Variants in KDR observed in about 807,000 individuals in gnomAD.
KDR encodes kinase insert domain receptor.
A neutral mutation model predicts 160.9 loss-of-function variants in KDR; 43 were observed. The ratio of observed to expected loss-of-function variants is 0.27; its 90% CI spans 0.21 to 0.34. The LOEUF is 0.34. KDR is among the 10% of genes least tolerant of loss of function. KDR has a pLI of 1.00. For synonymous variants in KDR, 617 were observed against 600.1 expected, an observed-to-expected ratio of 1.03 and a Z score of -0.41; for missense variants, 1,469 against 1,666.4, an observed-to-expected ratio of 0.88 and a Z score of 2.06.
chr4:55,105,221 T>C lies in KDR; in HGVS notation c.1646-237A>G, dbSNP rs111644565. ...CCTCAGATATTTACCACATCTCCAC[T>C]ATGAGCTCTACGCAATGTTTAATAT... On this transcript the variant is annotated intron_variant, in intron 12 of 29. Coordinates refer to ENST00000263923, the MANE Select transcript of KDR (RefSeq NM_002253.4). Among the ~76,000 whole-genome samples the C allele has an allele frequency of 7.1e-3, 1,040 of 146,646 alleles. 16 individuals are homozygous for C. The highest frequency in any genetic ancestry group is 0.024 in the African/African-American group (997 of 40,730).
In KDR at chr4:55,097,699, T is replaced by G; in HGVS notation, c.2577A>C (p.Thr859=). 6.2e-7 allele frequency: 1 copy of G among 1,613,540 alleles called. No individual in the cohort carries two copies. The highest frequency in any genetic ancestry group is 8.5e-7 in the Non-Finnish European group (1 of 1,179,686). Residue 859 remains threonine (T), a synonymous_variant, in exon 18 of 30, where the codon ACA becomes ACC. Transcript: ENST00000263923. Reference sequence around the variant, plus strand: ...TGACTGCTACTGTCCTGCAAGTTGCTGTCTTGTCAATTCCAAAGGCATCTG... The same window carrying G: ...TGACTGCTACTGTCCTGCAAGTTGCGGTCTTGTCAATTCCAAAGGCATCTG... ...IEADAFGIDK[T]ATCRTVAVKM...
intron 18 of KDR, 163 bp from the exon 19 acceptor site, chr4:55,096,505 T>C (rs1397471602): frequency 1.0e-5 from 6 of 599,954 alleles, no homozygotes; most frequent in Non-Finnish European, 1.5e-5. Context: ...GAAGTGTAAA[T>C]TCTATTTTCT....
At position 55,087,748 on chromosome 4, in the gene KDR, T is replaced by C. The variant is rs1336263639; in HGVS notation, c.3521A>G (p.Asp1174Gly). The change falls in exon 27 of 30, where the codon GAC (aspartate) becomes GGC (glycine). Residue 1174 changes from aspartate to glycine, a missense_variant. Around this residue, in one of 7 missense-constraint regions of KDR, gnomAD observed 132 missense variants for 195.9 expected, o/e 0.67. Coordinates refer to ENST00000263923, the MANE Select transcript of KDR (RefSeq NM_002253.4). ...LQANAQQDGK[D>G]YIVLPISETL... is the part of the protein sequence containing the mutation. ...CTCTGATATCGGAAGAACAATGTAG[T>C]CTTTGCCATCCTGAAACAATAAACA... 6.2e-7 allele frequency: 1 copy of C among 1,614,184 alleles called. No homozygotes were observed. The highest frequency in any genetic ancestry group is 1.7e-5 in the Admixed American group (1 of 60,024).
At chr4:55,089,563 T>C (rs150209253) in intron 24 of KDR, 90 bp from the exon 25 acceptor site, 1 of 1,320,516 alleles carries the variant, frequency 7.6e-7, no homozygotes, top group South Asian at 1.2e-5. Flanking sequence ...TCATCACCTA[T>C]GTATCTATTT....
At chr4:55,080,747 G>A (rs529963015) in intron 29 of KDR, among the ~76,000 whole-genome samples, 1 of 152,308 alleles carries the variant, frequency 6.6e-6, no homozygotes, top group East Asian at 1.9e-4. Context: ...TCACTCAGCA[G>A]CAACTAGAAA....
In KDR at chr4:55,089,252, C is replaced by T. The variant is rs561059144; in HGVS notation, c.3404+122G>A. ...CATGCTTGAAATTATCAAGAAAGGC[C>T]CCAAAGTAAAAGCAGGACACTAACT... is the stretch of plus-strand genomic sequence containing the variant. On this transcript the variant is annotated intron_variant, in intron 25 of 29. Coordinates refer to ENST00000263923, the MANE Select transcript of KDR (RefSeq NM_002253.4). 336 of 745,180 alleles carry T rather than the reference C, an allele frequency of 4.5e-4. 1 individual carries two copies. The highest frequency in any genetic ancestry group is 6.9e-4 in the Non-Finnish European group (299 of 433,442). The allele number at this position is 745,180 out of a possible 1,614,324, so 46.2% of individuals were successfully genotyped here.
chr4:55,115,260 A>G, intron 4 of KDR, 21 bp downstream of exon 4: 2 of 1,590,444 alleles, frequency 1.3e-6, no homozygotes, highest in Non-Finnish European at 1.7e-6. Flanking sequence ...TTAAGAGACG[A>G]TTGGAGGAGA....
At chr4:55,109,753 C>G (rs1720529889) in intron 9 of KDR, among the ~76,000 whole-genome samples, 1 of 152,194 alleles carries the variant, frequency 6.6e-6, no homozygotes, top group Non-Finnish European at 1.5e-5. Flanking sequence ...CTCTCACACT[C>G]ACTTGACCAT....
chr4:55,105,592 T>C (rs1720427986), intron 12 of KDR, among the ~76,000 whole-genome samples: 1 of 152,202 alleles, frequency 6.6e-6, no homozygotes, highest in Non-Finnish European at 1.5e-5. Context: ...ACAGAGCTTG[T>C]GGTTTAAAGC....
intron 22 of KDR, 190 bp downstream of exon 22, chr4:55,092,427 C>A (rs2110013389): frequency 3.3e-6 from 2 of 615,244 alleles, no homozygotes; most frequent in East Asian, 2.9e-5. Context: ...TATTATACAG[C>A]TTAATTTCAT....
chr4:55,079,999 C>G lies in KDR; in HGVS notation c.4013G>C (p.Ser1338Thr). The part of the protein sequence containing the change: ...KLIEIGVQTG[S>T]TAQILQPDSG... Reference sequence around the variant, plus strand: ...GTCAGGCTGGAGAATCTGGGCTGTGCTACCGGTTTGCACTCCAATCTCTAT... The same window carrying G: ...GTCAGGCTGGAGAATCTGGGCTGTGGTACCGGTTTGCACTCCAATCTCTAT... Residue 1338 changes from serine to threonine, a missense_variant, in exon 30 of 30, where the codon AGC becomes ACC. Ser to Thr is a moderately conservative substitution (Grantham distance 58). Transcript: ENST00000263923. 6.2e-7 allele frequency: 1 copy of G among 1,614,150 alleles called. No homozygotes were observed. The highest frequency in any genetic ancestry group is 8.5e-7 in the Non-Finnish European group (1 of 1,180,034).
chr4:55,115,323 T>A lies in KDR; in HGVS notation c.447A>T (p.Pro149=). ...TENKNKTVVI[P]CLGSISNLNV... The stretch of plus-strand genomic sequence containing the variant: ...TGAGATTTGAAATGGACCCGAGACA[T>A]GGAATCACCACAGTTTTGTTTTTGT... The change falls in exon 4 of 30, where the codon CCA becomes CCT. Residue 149 remains proline, a synonymous_variant. Coordinates refer to ENST00000263923, the MANE Select transcript of KDR (RefSeq NM_002253.4). 1 of 1,608,578 alleles carries A rather than the reference T, an allele frequency of 6.2e-7. No homozygotes were observed. The highest frequency in any genetic ancestry group is 1.3e-5 in the African/African-American group (1 of 74,904).
intron 2 of KDR, among the ~76,000 whole-genome samples, chr4:55,119,696 A>G (rs1207197500): frequency 1.3e-5 from 2 of 152,184 alleles, no homozygotes; most frequent in Admixed American, 6.5e-5. Flanking sequence ...GCAGCCAGGT[A>G]AGAGTGAGCA....
rs1245238227 is a variant in KDR, at chr4:55,089,398, G to T, written c.3380C>A (p.Ala1127Asp). The change falls in exon 25 of 30, where the codon GCC becomes GAC. Residue 1127 changes from alanine to aspartate, a missense_variant. Transcript: ENST00000263923. ...CATTTCTGGTGTAGTATAATCAGGG[G>T]CCCTCATTCTAGTTCCTTCTTTCAA... ...RRLKEGTRMR[A>D]PDYTTPEMYQ... 2 of 1,610,836 alleles carry T rather than the reference G, an allele frequency of 1.2e-6. No homozygotes were observed. The highest frequency in any genetic ancestry group is 8.5e-7 in the Non-Finnish European group (1 of 1,177,366).
At position 55,115,267 on chromosome 4, in the gene KDR, G is replaced by A. The variant is rs2110031992; in HGVS notation, c.489+14C>T. ...ATAAAAACTTAAGAGACGATTGGAG[G>A]AGATGCAACTTACTGCACAAAGTGA... On this transcript the variant is annotated intron_variant, in intron 4 of 29. Coordinates refer to ENST00000263923, the MANE Select transcript of KDR (RefSeq NM_002253.4). 6.3e-7 allele frequency: 1 copy of A among 1,598,212 alleles called. No homozygotes were observed. The highest frequency in any genetic ancestry group is 1.1e-5 in the South Asian group (1 of 90,798).
intron 9 of KDR, 92 bp from the exon 10 acceptor site, chr4:55,107,985 G>A: frequency 6.9e-7 from 1 of 1,447,282 alleles, no homozygotes; most frequent in East Asian, 2.3e-5. Flanking sequence ...CTTTCTTTAA[G>A]CATATGATTT....
intron 23 of KDR, 72 bp downstream of exon 23, chr4:55,089,884 G>T: frequency 6.2e-7 from 1 of 1,605,560 alleles, no homozygotes; most frequent in Non-Finnish European, 8.5e-7. Context: ...CTGAACACAG[G>T]TCCTGAAGCT....
chr4:55,101,495 C>A (rs1720307712), intron 15 of KDR, among the ~76,000 whole-genome samples: 1 of 152,074 alleles, frequency 6.6e-6, no homozygotes, highest in East Asian at 1.9e-4. Flanking sequence ...TCCCACTGAC[C>A]TTCTTTTTTT....
chr4:55,096,710 A>G lies in KDR; in HGVS notation c.2615-368T>C, dbSNP rs187513500. On this transcript the variant is annotated intron_variant, in intron 18 of 29. Transcript: ENST00000263923. ...GGTCTGATCATTTCAGCACTTCCTCATAAGGAAGCAACACCATGTATTAAA... is the reference window on the plus strand; with the variant it reads ...GGTCTGATCATTTCAGCACTTCCTCGTAAGGAAGCAACACCATGTATTAAA... 2.5e-5 allele frequency: 8 copies of G among 324,632 alleles called. No individual in the cohort carries two copies. In the Admixed American group the frequency reaches 3.2e-4, roughly 13 times the overall value. The allele number at this position is 324,632 out of a possible 1,614,324, so 20.1% of individuals were successfully genotyped here. A position where few individuals can be genotyped will look rare whatever the true frequency, so the allele number is the denominator to read the frequency against.
Sources: gnomAD v4.1 joint callset for allele counts (sites outside exome capture counted in the v4.1 genomes callset) on GRCh38, gnomAD v4.1.1 for gene constraint, gnomAD v4.1.1 regional missense constraint, MANE v1.5 for transcripts, NCBI Gene and HGNC (gene_info 2026-07-23, HGNC 2026-07-21) for gene names.